The following CCDC144A variants were observed in gnomAD, a reference collection of about 807,000 sequenced individuals.
The protein encoded by CCDC144A is coiled-coil domain containing 144A.
CCDC144A carries 41 observed loss-of-function variants against 143.8 expected under a neutral mutation model. The ratio of observed to expected loss-of-function variants is 0.29; its 90% CI spans 0.22 to 0.37. The LOEUF (loss-of-function observed/expected upper bound fraction) is 0.37. Ranked by LOEUF, CCDC144A falls within the 10% of genes least tolerant of loss-of-function variation. CCDC144A has a pLI of 1.00. For synonymous variants in CCDC144A, 242 were observed against 517.9 expected (o/e 0.47, Z 7.23); for missense variants, 637 against 1,488.8 (o/e 0.43, Z 9.41).
rs1352599190 is a variant in CCDC144A, at chr17:16,705,301, G to A, written c.566G>A (p.Arg189Gln). The A allele has an allele frequency of 2.9e-6, 3 of 1,052,484 alleles. No individual in the cohort carries two copies. Among genetic ancestry groups the A allele is most frequent in the African/African-American group, 3.1e-5 (2 of 63,900 alleles). 65.2% of individuals were successfully genotyped at this position (1,052,484 alleles called of 1,614,324 possible). ...CTGGGACAGATGAACTTAACAGAAC[G>A]AGAAAAGATGGACACTGGAGTTGTA... ...KELGQMNLTEREKMDTGVVLL... is the reference protein window; with the variant it reads ...KELGQMNLTEQEKMDTGVVLL... Residue 189 changes from arginine (R) to glutamine (Q), a missense_variant, in exon 3 of 17, where the codon CGA becomes CAA. Coordinates refer to ENST00000399273, the MANE Select transcript of CCDC144A (RefSeq NM_001382000.1).
Position 16,720,222 on chromosome 17 carries a change from A to G in CCDC144A, c.1740A>G (p.Glu580=). The change falls in exon 7 of 17, where the codon GAA becomes GAG. Residue 580 remains glutamate, a synonymous_variant. Coordinates refer to ENST00000399273, the MANE Select transcript of CCDC144A (RefSeq NM_001382000.1). The stretch of plus-strand genomic sequence containing the variant: ...GGCCTGCAGATAAAACATCTAATGA[A>G]AAGAACGAGGTATTGTAAAAAAGGA... ...HDRPADKTSN[E]KNEVKNQIYP... 1 of 1,522,060 alleles carries G rather than the reference A, an allele frequency of 6.6e-7. No homozygotes were observed. Among genetic ancestry groups the G allele is most frequent in the Non-Finnish European group, 8.8e-7 (1 of 1,138,378 alleles). The allele number at this position is 1,522,060 out of a possible 1,614,324, so 94.3% of individuals were successfully genotyped here. A position where few individuals can be genotyped will look rare whatever the true frequency, so the allele number is the denominator to read the frequency against.
At chr17:16,724,796 T>G (rs1371528751) in intron 8 of CCDC144A, among the ~76,000 whole-genome samples, 1 of 98,960 alleles carries the variant, frequency 1.0e-5, no homozygotes, top group African/African-American at 4.2e-5. Context: ...AATTTTTTTT[T>G]TTTTTTTTTT....
At chr17:16,683,688 C>A in the CCDC144A span, 3 of 1,598,310 alleles carry the variant, frequency 1.9e-6, no homozygotes, top group Non-Finnish European at 2.6e-6. Context: ...GCAGGAAAAT[C>A]AACATGGACA....
chr17:16,754,435 A>G (rs1346276800), intron 12 of CCDC144A, among the ~76,000 whole-genome samples: 2 of 152,174 alleles, frequency 1.3e-5, no homozygotes, highest in Non-Finnish European at 2.9e-5. Context: ...GTCACTTTCT[A>G]TAGGGATTGA....
chr17:16,738,773 T>A (rs1168373459), intron 12 of CCDC144A, among the ~76,000 whole-genome samples: 1 of 152,076 alleles, frequency 6.6e-6, no homozygotes, highest in Non-Finnish European at 1.5e-5. Flanking sequence ...AGTTTTTGTG[T>A]TTGTATATGT....
At position 16,734,981 on chromosome 17, in the gene CCDC144A, C is replaced by T; in HGVS notation, c.2710C>T (p.Gln904Ter). 1 of 1,607,464 alleles carries T rather than the reference C, an allele frequency of 6.2e-7. No individual in the cohort carries two copies. Among genetic ancestry groups the T allele is most frequent in the Non-Finnish European group, 8.5e-7 (1 of 1,177,608 alleles). Residue 904 changes from glutamine (Q) to a stop codon, truncating the protein, a stop_gained, in exon 12 of 17, where the codon CAG (glutamine) becomes TAG (stop). Transcript: ENST00000399273. LOFTEE classifies it high-confidence loss of function. The stretch of plus-strand genomic sequence containing the variant: ...CAATTCTGAACTGGAGAATGGGAAA[C>T]AGAACCAAGAAAGACTAGAAATAGA... ...ILNSELENGK[Q>*]NQERLEIEME... is the part of the protein sequence containing the mutation.
At chr17:16,678,905 C>T in the CCDC144A span, among the ~76,000 whole-genome samples, 1 of 151,888 alleles carries the variant, frequency 6.6e-6, no homozygotes, top group Admixed American at 6.6e-5. Flanking sequence ...CAGGCGTGTG[C>T]CACCACGCCC....
intron 9 of CCDC144A, chr17:16,731,316 T>A (rs1159867689): frequency 5.9e-6 from 1 of 168,924 alleles, no homozygotes; most frequent in Admixed American, 5.7e-5. Context: ...GAATGACATC[T>A]GAAGGTGTTA....
chr17:16,683,643 G>A, the CCDC144A span: 1 of 1,610,576 alleles, frequency 6.2e-7, no homozygotes, highest in Non-Finnish European at 8.5e-7. Context: ...CTGGGACTTT[G>A]TCAGGAAATC....
chr17:16,717,584 A>G (rs555961602), intron 6 of CCDC144A, among the ~76,000 whole-genome samples: 2 of 152,242 alleles, frequency 1.3e-5, no homozygotes, highest in South Asian at 2.1e-4. Flanking sequence ...AGCTCCTCTT[A>G]TATTTTGCCT....
chr17:16,683,307 G>A, the CCDC144A span: 1 of 579,048 alleles, frequency 1.7e-6, no homozygotes. Context: ...AATTTTATTT[G>A]TCATTTAAAA....
the CCDC144A span, among the ~76,000 whole-genome samples, chr17:16,670,307 T>TTTTTTTTTTTTTAAAGG: frequency 7.8e-6 from 1 of 127,768 alleles, no homozygotes; most frequent in Non-Finnish European, 1.6e-5. Flanking sequence ...TTTTTTTTTT[T>TTTTTTTTTTTTTAAAGG]GACAGAGTCT....
chr17:16,710,498 A>C (rs566419802), intron 5 of CCDC144A: 2 of 152,838 alleles, frequency 1.3e-5, no homozygotes, highest in African/African-American at 4.8e-5. Flanking sequence ...GGAACTTAGA[A>C]TTGCATCATG....
chr17:16,693,572 C>T (rs1009135777), intron 2 of CCDC144A, among the ~76,000 whole-genome samples: 4 of 152,174 alleles, frequency 2.6e-5, no homozygotes, highest in African/African-American at 4.8e-5. Flanking sequence ...GCCTCGGCCT[C>T]CCAAAGTGCT....
At chr17:16,771,040 C>A (rs961021439) in intron 15 of CCDC144A, among the ~76,000 whole-genome samples, 1 of 152,102 alleles carries the variant, frequency 6.6e-6, no homozygotes, top group African/African-American at 2.4e-5. Flanking sequence ...CATTAGATAT[C>A]ATTATCTTTA....
chr17:16,690,191 C>T (rs7503644), upstream of CCDC144A: 2 of 394,260 alleles, frequency 5.1e-6, no homozygotes, highest in East Asian at 7.4e-5. Flanking sequence ...CGTGATGTCA[C>T]AGGTGGGCAG....
intron 12 of CCDC144A, among the ~76,000 whole-genome samples, chr17:16,738,059 G>T (rs1362715016): frequency 1.3e-5 from 2 of 152,074 alleles, no homozygotes; most frequent in African/African-American, 4.8e-5. Flanking sequence ...GAATGTTCCA[G>T]AAAATTGTCT....
upstream of CCDC144A, among the ~76,000 whole-genome samples, chr17:16,687,459 T>C (rs145206573): frequency 0.021 from 3,148 of 152,256 alleles, 96 homozygotes; most frequent in African/African-American, 0.072. Flanking sequence ...CATTCATTTG[T>C]TTTTTTACAG....
intron 12 of CCDC144A, among the ~76,000 whole-genome samples, chr17:16,749,514 G>A (rs1184057385): frequency 6.6e-6 from 1 of 152,160 alleles, no homozygotes; most frequent in African/African-American, 2.4e-5. Context: ...CAAACATGTT[G>A]TTGATCTTGG....
Sources: allele counts gnomAD v4.1 joint callset (sites outside exome capture counted in the v4.1 genomes callset), GRCh38; gene constraint gnomAD v4.1.1; transcripts MANE v1.5; gene names NCBI Gene and HGNC (gene_info 2026-07-23, HGNC 2026-07-21).